CUBN: variants seen among roughly 807,000 people sequenced by gnomAD.
CUBN encodes cubilin.
Under a neutral mutation model 405.3 loss-of-function variants are expected in CUBN, and 282 were observed. The observed-to-expected ratio is 0.70, with a 90% CI of 0.63 to 0.77. The LOEUF (loss-of-function observed/expected upper bound fraction) is 0.77. Among genes scored for constraint, CUBN ranks in the 30% least tolerant of loss-of-function variants. The pLI is 0.00. For synonymous variants in CUBN, 1,684 were observed against 1,617.0 expected, an observed-to-expected ratio of 1.04 and a Z score of -0.99; for missense variants, 4,514 against 4,475.2, an observed-to-expected ratio of 1.01 and a Z score of -0.25.
intron 66 of CUBN, among the ~76,000 whole-genome samples, chr10:16,828,417 C>T (rs1329366446): frequency 2.6e-5 from 4 of 152,160 alleles, no homozygotes; most frequent in African/African-American, 4.8e-5. Context: ...AGTGTGTCTG[C>T]CTTTGAAAGT....
chr10:17,019,470 A>C (rs1564481776), intron 28 of CUBN, among the ~76,000 whole-genome samples: 1 of 152,048 alleles, frequency 6.6e-6, no homozygotes, highest in African/African-American at 2.4e-5. Context: ...CTTAAGTCTC[A>C]TTCTATTCCA....
chr10:16,931,025 G>C (rs568435382), intron 40 of CUBN, among the ~76,000 whole-genome samples: 1 of 151,968 alleles, frequency 6.6e-6, no homozygotes, highest in East Asian at 1.9e-4. Flanking sequence ...GGGAGGCCAA[G>C]GTGGGCAGAT....
At chr10:16,952,428 T>A (rs561002304) in intron 32 of CUBN, 39 bp from the exon 33 acceptor site, 1 of 1,170,018 alleles carries the variant, frequency 8.5e-7, no homozygotes, top group South Asian at 1.2e-5. Context: ...TCATATGCTT[T>A]TCATTTCTAC....
chr10:16,867,029 A>G (rs1238534584), intron 59 of CUBN, among the ~76,000 whole-genome samples: 3 of 152,366 alleles, frequency 2.0e-5, no homozygotes, highest in African/African-American at 7.2e-5. Context: ...GCAGATGTAC[A>G]TAAAACATTG....
At chr10:17,101,518 G>A (rs1472053150) in intron 13 of CUBN, among the ~76,000 whole-genome samples, 4 of 152,012 alleles carry the variant, frequency 2.6e-5, no homozygotes, top group African/African-American at 7.2e-5. Flanking sequence ...AATGTTTTTT[G>A]ACCCTTGTAC....
At chr10:16,997,982 G>T (rs1282926233) in intron 28 of CUBN, among the ~76,000 whole-genome samples, 1 of 152,058 alleles carries the variant, frequency 6.6e-6, no homozygotes, top group Non-Finnish European at 1.5e-5. Flanking sequence ...TGAGGAAGGG[G>T]ACACAAACTG....
chr10:16,825,145 T>C, intron 66 of CUBN, 63 bp from the exon 67 acceptor site: 2 of 1,180,660 alleles, frequency 1.7e-6, no homozygotes, highest in Non-Finnish European at 2.5e-6. Context: ...TTTCTAGGAA[T>C]GTTAGCCTAG....
intron 26 of CUBN, among the ~76,000 whole-genome samples, chr10:17,042,121 A>C (rs1316049123): frequency 2.6e-5 from 4 of 152,242 alleles, no homozygotes; most frequent in African/African-American, 4.8e-5. Context: ...AACACCATTT[A>C]TAACTTTGGT....
At chr10:16,951,765 G>C (rs1394141874) in intron 33 of CUBN, among the ~76,000 whole-genome samples, 1 of 152,328 alleles carries the variant, frequency 6.6e-6, no homozygotes. Flanking sequence ...CCTTGCAGGA[G>C]AGCCCAGGTT....
At chr10:17,100,936 T>A (rs1836480338) in intron 13 of CUBN, among the ~76,000 whole-genome samples, 2 of 152,124 alleles carry the variant, frequency 1.3e-5, no homozygotes, top group East Asian at 3.9e-4. Flanking sequence ...CAAAAATGTG[T>A]CCGAATGGAT....
chr10:17,082,568 T>A (rs1460438215), intron 17 of CUBN, among the ~76,000 whole-genome samples: 1 of 152,230 alleles, frequency 6.6e-6, no homozygotes, highest in East Asian at 1.9e-4. Flanking sequence ...GGCCCCAAAT[T>A]TCCCTGAAAA....
At chr10:17,085,946 A>G (rs1398950609) in intron 15 of CUBN, among the ~76,000 whole-genome samples, 187 bp from the exon 16 acceptor site, 2 of 150,878 alleles carry the variant, frequency 1.3e-5, no homozygotes, top group East Asian at 1.9e-4. Flanking sequence ...CATCACCCCA[A>G]TGCCTTCTCT....
chr10:17,084,033 G>T (rs1836035280), intron 17 of CUBN, among the ~76,000 whole-genome samples: 1 of 151,978 alleles, frequency 6.6e-6, no homozygotes, highest in Admixed American at 6.6e-5. Context: ...CACTTCCCTG[G>T]GTTGAGTTCT....
Position 16,852,042 on chromosome 10 carries a change from A to G in CUBN, c.9455-599T>C, listed in dbSNP as rs1450012895. Among the ~76,000 whole-genome samples the G allele has an allele frequency of 1.1e-3, 40 of 35,754 alleles. 2 individuals are homozygous for G. The highest frequency in any genetic ancestry group is 5.1e-3 in the African/African-American group (40 of 7,816). The allele number at this position is 35,754 out of a possible 152,430, so 23.5% of individuals were successfully genotyped here. A position where few individuals can be genotyped will look rare whatever the true frequency, so the allele number is the denominator to read the frequency against. On this transcript the variant is annotated intron_variant, in intron 59 of 66. Coordinates refer to ENST00000377833, the MANE Select transcript of CUBN (RefSeq NM_001081.4). ...ACTCTATCTTTCCCTCCCTCCCTCT[A>G]TCTTTCCCTCCCTCCATCTTTCCCT...
Position 16,949,991 on chromosome 10 carries a change from G to T in CUBN, c.5080+10C>A, listed in dbSNP as rs752695862. 3.1e-6 allele frequency: 5 copies of T among 1,597,730 alleles called. No individual in the cohort carries two copies. Among genetic ancestry groups the T allele is most frequent in the Admixed American group, 1.7e-5 (1 of 59,912 alleles). ...AGACCACAGATGTAGATGAGTGAAC[G>T]CTGAGGTACCTCGGAGGGGCGCGTC... On this transcript the variant is annotated intron_variant, in intron 34 of 66. Coordinates refer to ENST00000377833, the MANE Select transcript of CUBN (RefSeq NM_001081.4).
At chr10:17,004,626 C>G (rs1026219301) in intron 28 of CUBN, among the ~76,000 whole-genome samples, 1 of 151,778 alleles carries the variant, frequency 6.6e-6, no homozygotes, top group Non-Finnish European at 1.5e-5. Context: ...CAGATTGACA[C>G]ACATCTACTC....
intron 17 of CUBN, among the ~76,000 whole-genome samples, chr10:17,073,341 A>T (rs997248816): frequency 6.6e-6 from 1 of 152,212 alleles, no homozygotes; most frequent in African/African-American, 2.4e-5. Context: ...GCCATATGAT[A>T]ACTCCATAAA....
At chr10:16,852,263 C>G (rs1839734894) in intron 59 of CUBN, among the ~76,000 whole-genome samples, 1 of 134,844 alleles carries the variant, frequency 7.4e-6, no homozygotes, top group Non-Finnish European at 1.6e-5. Flanking sequence ...ATCTTTCCCT[C>G]CCTCCCTCCA....
intron 28 of CUBN, among the ~76,000 whole-genome samples, chr10:16,992,724 C>G (rs1396902799): frequency 2.6e-5 from 4 of 152,166 alleles, no homozygotes; most frequent in Non-Finnish European, 5.9e-5. Flanking sequence ...ACTTGAAAAC[C>G]TCTGCGTTTT....
Sources: allele counts gnomAD v4.1 joint callset (sites outside exome capture counted in the v4.1 genomes callset), GRCh38; gene constraint gnomAD v4.1.1; transcripts MANE v1.5; gene names NCBI Gene and HGNC (gene_info 2026-07-23, HGNC 2026-07-21).